Variants in HNRNPA1L2 observed in about 807,000 individuals in gnomAD.
HNRNPA1L2 encodes the protein heterogeneous nuclear ribonucleoprotein A1-like 2.
A neutral mutation model predicts 18.2 loss-of-function variants in HNRNPA1L2; 10 were observed. That is an observed-to-expected ratio of 0.55 (90% CI 0.34 to 0.93). The LOEUF is 0.93. HNRNPA1L2 is among the 40% of genes least tolerant of loss of function. The pLI, the probability that HNRNPA1L2 is intolerant of heterozygous loss-of-function variation, is 0.02. For synonymous variants in HNRNPA1L2, 124 were observed against 138.6 expected (o/e 0.89, Z 0.74); for missense variants, 308 against 394.4 (o/e 0.78, Z 1.85).
At chr13:52,622,301 A>G in the HNRNPA1L2 span, 1 of 153,092 alleles carries the variant, frequency 6.5e-6, no homozygotes, top group Non-Finnish European at 1.5e-5. Context: ...GTTTGAAAGT[A>G]ATTTTTAAAA....
chr13:52,619,718 C>G, the HNRNPA1L2 span, among the ~76,000 whole-genome samples: 1 of 151,806 alleles, frequency 6.6e-6, no homozygotes, highest in African/African-American at 2.4e-5. Flanking sequence ...TAAGGAGATC[C>G]AGACCATCCT....
chr13:52,634,233 C>T, the HNRNPA1L2 span, among the ~76,000 whole-genome samples: 9 of 152,254 alleles, frequency 5.9e-5, no homozygotes, highest in Non-Finnish European at 8.8e-5. Flanking sequence ...AAATGGTATC[C>T]GTTAAGTGTG....
At chr13:52,621,057 A>G in the HNRNPA1L2 span, among the ~76,000 whole-genome samples, 1 of 152,196 alleles carries the variant, frequency 6.6e-6, no homozygotes, top group African/African-American at 2.4e-5. Flanking sequence ...TAAATATATT[A>G]TACCCTCTTA....
chr13:52,624,575 T>C, the HNRNPA1L2 span, among the ~76,000 whole-genome samples: 9 of 152,210 alleles, frequency 5.9e-5, no homozygotes, highest in Non-Finnish European at 1.3e-4. Flanking sequence ...GTAATATACA[T>C]TTGGCCCTCT....
the HNRNPA1L2 span, among the ~76,000 whole-genome samples, chr13:52,636,700 AT>A: frequency 3.9e-5 from 6 of 152,274 alleles, no homozygotes; most frequent in Non-Finnish European, 8.8e-5. Flanking sequence ...TGTATAAAAA[AT>A]ATTCATATTC....
At chr13:52,631,478 T>A in the HNRNPA1L2 span, among the ~76,000 whole-genome samples, 4 of 152,122 alleles carry the variant, frequency 2.6e-5, no homozygotes, top group African/African-American at 9.7e-5. Context: ...TAATCCACCA[T>A]CCTGTTCACC....
the HNRNPA1L2 span, among the ~76,000 whole-genome samples, chr13:52,629,964 T>C: frequency 4.6e-5 from 7 of 152,302 alleles, no homozygotes; most frequent in South Asian, 1.2e-3. Context: ...GGTGAGCTCC[T>C]GCAATCCCAG....
chr13:52,619,807 G>A, the HNRNPA1L2 span, among the ~76,000 whole-genome samples: 13 of 151,328 alleles, frequency 8.6e-5, no homozygotes, highest in Admixed American at 2.0e-4. Flanking sequence ...TGTAGTCCCC[G>A]CTACTCGGGA....
At chr13:52,636,961 A>G in the HNRNPA1L2 span, among the ~76,000 whole-genome samples, 1 of 152,066 alleles carries the variant, frequency 6.6e-6, no homozygotes, top group East Asian at 1.9e-4. Flanking sequence ...CCTCCCAAGT[A>G]GCTGGGATTA....
At chr13:52,631,149 A>C in the HNRNPA1L2 span, among the ~76,000 whole-genome samples, 1 of 152,288 alleles carries the variant, frequency 6.6e-6, no homozygotes, top group Non-Finnish European at 1.5e-5. Flanking sequence ...AACCCCAGAC[A>C]ACCCAGGCCT....
At position 52,643,362 on chromosome 13, in the gene HNRNPA1L2, C is replaced by A. The variant is rs372381357; in HGVS notation, c.870C>A (p.Gly290=). ...GAGGCAGAAGCTCTGGCCCCTATGG[C>A]GGTGGAGGCCAATACTTTGCAAAAC... ...NFGGRSSGPY[G]GGGQYFAKPQ... is the part of the protein sequence containing the mutation. Residue 290 remains glycine, a synonymous_variant, in exon 1 of 1, where the codon GGC becomes GGA. Transcript: ENST00000357495. 6.3e-7 allele frequency: 1 copy of A among 1,598,256 alleles called. No individual in the cohort carries two copies. The highest frequency in any genetic ancestry group is 2.2e-5 in the East Asian group (1 of 44,892).
At chr13:52,625,089 A>G in the HNRNPA1L2 span, among the ~76,000 whole-genome samples, 1 of 152,112 alleles carries the variant, frequency 6.6e-6, no homozygotes, top group Middle Eastern at 3.4e-3. Flanking sequence ...AGTTTTAATT[A>G]CAGGATTGAA....
the HNRNPA1L2 span, chr13:52,627,347 C>T: frequency 1.3e-5 from 2 of 153,600 alleles, no homozygotes; most frequent in African/African-American, 2.4e-5. Context: ...AAAATTTTCC[C>T]CCCAAAATCA....
At position 52,642,585 on chromosome 13, in the gene HNRNPA1L2, G is replaced by A; in HGVS notation, c.93G>A (p.Arg31=). 1 of 1,611,944 alleles carries A rather than the reference G, an allele frequency of 6.2e-7. No individual in the cohort carries two copies. The highest frequency in any genetic ancestry group is 1.3e-5 in the African/African-American group (1 of 74,952). ...LSFETTDESL[R]SHFEQWGTLT... is the part of the protein sequence containing the mutation. ...TTGAAACAACTGATGAGAGCCTGAGGAGCCATTTTGAGCAATGGGGAACGC... is the reference window on the plus strand; with the variant it reads ...TTGAAACAACTGATGAGAGCCTGAGAAGCCATTTTGAGCAATGGGGAACGC... The change falls in exon 1 of 1, where the codon AGG becomes AGA. Residue 31 remains arginine (R), a synonymous_variant. Transcript: ENST00000357495.
the HNRNPA1L2 span, among the ~76,000 whole-genome samples, chr13:52,626,673 C>T: frequency 6.6e-6 from 1 of 151,986 alleles, no homozygotes; most frequent in African/African-American, 2.4e-5. Flanking sequence ...CAGTTTTCAT[C>T]TCCTACTTGA....
chr13:52,625,200 C>T, the HNRNPA1L2 span, among the ~76,000 whole-genome samples: 1 of 150,278 alleles, frequency 6.7e-6, no homozygotes, highest in African/African-American at 2.5e-5. Context: ...CTGCAACCTC[C>T]GCCTTCTAGG....
chr13:52,631,746 G>T, the HNRNPA1L2 span, among the ~76,000 whole-genome samples: 6 of 152,176 alleles, frequency 3.9e-5, no homozygotes, highest in Non-Finnish European at 7.3e-5. Context: ...TAATCTGCCA[G>T]TAAGTTTATT....
the HNRNPA1L2 span, among the ~76,000 whole-genome samples, chr13:52,636,399 G>T: frequency 6.6e-6 from 1 of 152,166 alleles, no homozygotes; most frequent in South Asian, 2.1e-4. Context: ...AGCAGTAACT[G>T]GTCGGAATAT....
chr13:52,639,560 G>A (rs963473182), upstream of HNRNPA1L2, among the ~76,000 whole-genome samples: 11 of 151,984 alleles, frequency 7.2e-5, no homozygotes, highest in African/African-American at 2.7e-4. Flanking sequence ...CAGTTCAGAG[G>A]GCAAGGAAGC....
Sources: gnomAD v4.1 joint callset for allele counts (sites outside exome capture counted in the v4.1 genomes callset) on GRCh38, gnomAD v4.1.1 for gene constraint, MANE v1.5 for transcripts, NCBI Gene and HGNC (gene_info 2026-07-23, HGNC 2026-07-21) for gene names.